Variants in GATAD2A observed in about 807,000 individuals in gnomAD.
GATAD2A encodes the protein transcriptional repressor p66-alpha.
In GATAD2A, 12 loss-of-function variants were observed where a neutral mutation model predicts 68.5. The observed-to-expected ratio is 0.18, with a 90% CI of 0.11 to 0.28. The LOEUF is 0.28. GATAD2A is among the 10% of genes least tolerant of loss of function. GATAD2A has a pLI of 1.00. For synonymous variants in GATAD2A, 410 were observed against 375.3 expected, an observed-to-expected ratio of 1.09 and a Z score of -1.07; for missense variants, 755 against 868.5, an observed-to-expected ratio of 0.87 and a Z score of 1.64.
At chr19:19,488,958 A>T (rs1455617645) in intron 2 of GATAD2A, among the ~76,000 whole-genome samples, 1 of 152,188 alleles carries the variant, frequency 6.6e-6, no homozygotes, top group Non-Finnish European at 1.5e-5. Context: ...CCCTCTCAGC[A>T]TGTTGGGCTA....
intron 2 of GATAD2A, among the ~76,000 whole-genome samples, chr19:19,487,463 C>T (rs2059516590): frequency 6.6e-6 from 1 of 151,882 alleles, no homozygotes; most frequent in Middle Eastern, 3.4e-3. Flanking sequence ...GTGCAGGGAG[C>T]CAAAGGCACT....
chr19:19,419,971 T>G (rs1378708914), intron 1 of GATAD2A, among the ~76,000 whole-genome samples: 2 of 151,232 alleles, frequency 1.3e-5, no homozygotes, highest in African/African-American at 4.9e-5. Flanking sequence ...CCCATCTGAC[T>G]TATTAAGTGT....
At chr19:19,402,169 C>T (rs1265042513), upstream of GATAD2A, 4 of 152,236 alleles carry the variant, frequency 2.6e-5, no homozygotes, top group Non-Finnish European at 5.9e-5. Flanking sequence ...AGTGATCCTT[C>T]TGCCCCAGCC....
At chr19:19,483,622 T>G (rs1314332888) in intron 2 of GATAD2A, among the ~76,000 whole-genome samples, 1 of 145,880 alleles carries the variant, frequency 6.9e-6, no homozygotes, top group African/African-American at 2.5e-5. Flanking sequence ...TTCTTCAGTG[T>G]TTTTTTTTTG....
intron 2 of GATAD2A, among the ~76,000 whole-genome samples, chr19:19,489,606 C>A (rs967773658): frequency 4.6e-5 from 7 of 152,258 alleles, no homozygotes; most frequent in Non-Finnish European, 8.8e-5. Flanking sequence ...CAGAGCAGCC[C>A]TCTCAGGCAG....
At chr19:19,419,542 AGTCTTGTTCT>A (rs2052086769) in intron 1 of GATAD2A, among the ~76,000 whole-genome samples, 2 of 111,426 alleles carry the variant, frequency 1.8e-5, no homozygotes, top group Non-Finnish European at 1.8e-5. Context: ...TTTAAGATGG[AGTCTTGTTCT>A]GTCACCCAGG....
At chr19:19,474,586 C>T (rs1400464668) in intron 2 of GATAD2A, among the ~76,000 whole-genome samples, 2 of 152,194 alleles carry the variant, frequency 1.3e-5, no homozygotes, top group Admixed American at 6.5e-5. Context: ...GCACTTCTCA[C>T]TTGTCAGTAG....
chr19:19,501,153 G>A lies in GATAD2A; in HGVS notation c.1240G>A (p.Glu414Lys), dbSNP rs2060498026. The change falls in exon 9 of 12, where the codon GAG becomes AAG. Residue 414 changes from glutamate to lysine, a missense_variant. Glu to Lys is a moderately conservative substitution (Grantham distance 56, BLOSUM62 1). Coordinates refer to ENST00000683918, the MANE Select transcript of GATAD2A (RefSeq NM_001384528.1). ...GTCGGCCGCCACTGTGCTGTCCCGG[G>A]AGCCCTACATGTGTGCACAGTGCAA... ...RMSAATVLSREPYMCAQCKTD... is the reference protein window; with the variant it reads ...RMSAATVLSRKPYMCAQCKTD... 6.2e-7 allele frequency: 1 copy of A among 1,613,148 alleles called. No homozygotes were observed. Among genetic ancestry groups the A allele is most frequent in the Non-Finnish European group, 8.5e-7 (1 of 1,179,770 alleles).
At chr19:19,450,622 G>A (rs1285631711) in intron 1 of GATAD2A, among the ~76,000 whole-genome samples, 1 of 151,734 alleles carries the variant, frequency 6.6e-6, no homozygotes, top group African/African-American at 2.4e-5. Context: ...GGGGCGGTCA[G>A]GATCCCCGTA....
chr19:19,475,274 AGGGACAT>A (rs2058597937), intron 2 of GATAD2A, among the ~76,000 whole-genome samples: 1 of 152,240 alleles, frequency 6.6e-6, no homozygotes, highest in South Asian at 2.1e-4. Context: ...CTCATAGCCC[AGGGACAT>A]GGTTTGTGGC....
At chr19:19,473,192 T>C (rs2058437507) in intron 2 of GATAD2A, among the ~76,000 whole-genome samples, 1 of 152,132 alleles carries the variant, frequency 6.6e-6, no homozygotes, top group Admixed American at 6.5e-5. Flanking sequence ...CCTCCCCTTG[T>C]ACCATGAGTG....
At chr19:19,406,857 C>G (rs2050338032) in intron 1 of GATAD2A, among the ~76,000 whole-genome samples, 2 of 152,328 alleles carry the variant, frequency 1.3e-5, no homozygotes, top group Middle Eastern at 3.4e-3. Context: ...TGACCCCTCC[C>G]TTAGGAAGTG....
chr19:19,473,774 TA>T (rs1192789940), intron 2 of GATAD2A, among the ~76,000 whole-genome samples: 21,414 of 123,334 alleles, frequency 0.17, 1,711 homozygotes, highest in Middle Eastern at 0.28. Context: ...CGTCTCTACT[TA>T]AAAAAAAAAA....
At chr19:19,387,953 G>A (rs532314142) in intron 1 of GATAD2A, among the ~76,000 whole-genome samples, 5 of 152,094 alleles carry the variant, frequency 3.3e-5, no homozygotes, top group Middle Eastern at 3.4e-3. Flanking sequence ...TCTGAATTCC[G>A]TGGGGTTGCC....
chr19:19,395,176 C>T (rs566953584), intron 1 of GATAD2A, among the ~76,000 whole-genome samples: 5 of 152,192 alleles, frequency 3.3e-5, no homozygotes, highest in African/African-American at 7.2e-5. Flanking sequence ...CGTTCAAGGC[C>T]GGGCGCGGTG....
At chr19:19,419,510 CTTTTTTTTT>C (rs57019208) in intron 1 of GATAD2A, among the ~76,000 whole-genome samples, 2 of 110,650 alleles carry the variant, frequency 1.8e-5, no homozygotes, top group South Asian at 3.2e-4. Flanking sequence ...ATCTCTACAT[CTTTTTTTTT>C]TTTTTTTTTT....
At chr19:19,390,114 G>T (rs2146824756) in intron 1 of GATAD2A, among the ~76,000 whole-genome samples, 1 of 152,320 alleles carries the variant, frequency 6.6e-6, no homozygotes, top group Middle Eastern at 3.4e-3. Context: ...GTTAAAAAGG[G>T]AATGGACAAC....
Position 19,478,538 on chromosome 19 carries a change from G to A in GATAD2A, c.269+12924G>A, listed in dbSNP as rs1758531112. Among the ~76,000 whole-genome samples, 3 of 151,848 alleles carry A rather than the reference G, an allele frequency of 2.0e-5. No individual in the cohort carries two copies. In the South Asian group the frequency reaches 6.2e-4, roughly 32 times the overall value. ...GAACCCAGGAGACAGAGGTTGCAGT[G>A]AGCCGAGATCGCACCACTGCACTCC... On this transcript the variant is annotated intron_variant, in intron 2 of 11. Coordinates refer to ENST00000683918, the MANE Select transcript of GATAD2A (RefSeq NM_001384528.1).
chr19:19,439,917 A>G (rs2054806072), intron 1 of GATAD2A, among the ~76,000 whole-genome samples: 1 of 152,152 alleles, frequency 6.6e-6, no homozygotes, highest in Non-Finnish European at 1.5e-5. Context: ...CAGCAAATCC[A>G]CTTCTGGAAA....
Sources: allele counts gnomAD v4.1 joint callset (sites outside exome capture counted in the v4.1 genomes callset), GRCh38; gene constraint gnomAD v4.1.1; transcripts MANE v1.5; gene names NCBI Gene and HGNC (gene_info 2026-07-23, HGNC 2026-07-21).